The following WDR18 variants were observed in gnomAD, a reference collection of about 807,000 sequenced individuals.
WDR18 encodes the protein WD repeat domain 18, also known as WD repeat-containing protein 18.
WDR18 carries 33 observed loss-of-function variants against 49.6 expected under a neutral mutation model. The ratio of observed to expected loss-of-function variants is 0.67; its 90% confidence interval spans 0.50 to 0.89. WDR18 has a LOEUF of 0.89. Among genes scored for constraint, WDR18 ranks in the 40% least tolerant of loss-of-function variants. The pLI is 0.00. For missense variants in WDR18, 653 were observed against 593.6 expected (o/e 1.10, Z -1.04); for synonymous variants, 315 against 263.6 (o/e 1.19, Z -1.89).
At chr19:984,734 G>A (rs2038457473) in intron 1 of WDR18, among the ~76,000 whole-genome samples, 171 bp downstream of exon 1, 1 of 151,808 alleles carries the variant, frequency 6.6e-6, no homozygotes, top group African/African-American at 2.4e-5. Context: ...GGGGAGATAC[G>A]TGCGACCTGT....
intron 2 of WDR18, among the ~76,000 whole-genome samples, chr19:986,423 C>T (rs1397568749): frequency 2.0e-5 from 3 of 152,214 alleles, no homozygotes; most frequent in Non-Finnish European, 4.4e-5. Context: ...GCGCCCACCA[C>T]CACACCTGGC....
At chr19:983,437 C>T (rs2038438593), upstream of WDR18, among the ~76,000 whole-genome samples, 1 of 151,928 alleles carries the variant, frequency 6.6e-6, no homozygotes, top group Non-Finnish European at 1.5e-5. Context: ...GCTTTTTGTA[C>T]TTTTTGTAAA....
At position 994,064 on chromosome 19, in the gene WDR18, C is replaced by A. The variant is rs1042283657; in HGVS notation, c.1143C>A (p.Ala381=). ...SYLDRTEQLQ[A]VLCSTMEKSV... Reference sequence around the variant, plus strand: ...TGGACCGCACGGAGCAGCTGCAGGCCGTCCTGTGCAGCACCATGGAGAAGG... The same window carrying A: ...TGGACCGCACGGAGCAGCTGCAGGCAGTCCTGTGCAGCACCATGGAGAAGG... Residue 381 remains alanine (A), a synonymous_variant, in exon 9 of 10, where the codon GCC becomes GCA. Coordinates refer to ENST00000585809, the MANE Select transcript of WDR18 (RefSeq NM_024100.4). The A allele has an allele frequency of 2.0e-5, 31 of 1,560,414 alleles. No individual in the cohort carries two copies. Among genetic ancestry groups the A allele is most frequent in the Non-Finnish European group, 2.3e-5 (26 of 1,153,770 alleles).
intron 4 of WDR18, 36 bp from the exon 5 acceptor site, chr19:990,816 G>A: frequency 1.3e-6 from 2 of 1,562,138 alleles, no homozygotes; most frequent in Admixed American, 1.8e-5. Flanking sequence ...GGTTCCCCCT[G>A]CCGGGCCGAG....
chr19:983,653 C>T (rs2038441717), upstream of WDR18, among the ~76,000 whole-genome samples: 1 of 151,664 alleles, frequency 6.6e-6, no homozygotes, highest in African/African-American at 2.4e-5. Context: ...ACAGAACTGG[C>T]GACTTGTTTG....
At chr19:993,453 G>T (rs1283584405) in intron 8 of WDR18, among the ~76,000 whole-genome samples, 1 of 152,206 alleles carries the variant, frequency 6.6e-6, no homozygotes, top group African/African-American at 2.4e-5. Flanking sequence ...AGTCCTCTGT[G>T]ACCCTTGTTC....
At chr19:989,418 G>A (rs1259618806) in intron 2 of WDR18, among the ~76,000 whole-genome samples, 3 of 152,154 alleles carry the variant, frequency 2.0e-5, no homozygotes, top group Non-Finnish European at 4.4e-5. Flanking sequence ...GAGTGCAGCC[G>A]TTCCTACGGG....
intron 3 of WDR18, 97 bp downstream of exon 3, chr19:989,992 CTT>C: frequency 6.6e-7 from 1 of 1,504,506 alleles, no homozygotes; most frequent in Non-Finnish European, 8.8e-7. Context: ...GGGCTTCTCT[CTT>C]GGGGGCTGGA....
Position 994,411 on chromosome 19 carries a change from G to C in WDR18, c.*67G>C, listed in dbSNP as rs370210897. ...ATGCCTCCCAGCAACCAGGGCCCGC[G>C]GGTGTGGCCCCCACCAGCCCAGGCC... On this transcript the variant is annotated 3_prime_UTR_variant, in exon 10 of 10. Transcript: ENST00000585809. 39 of 1,538,106 alleles carry C rather than the reference G, an allele frequency of 2.5e-5. No individual in the cohort carries two copies. The highest frequency in any genetic ancestry group is 7.7e-5 in the Admixed American group (4 of 51,806).
At chr19:993,875 C>A in intron 8 of WDR18, 145 bp from the exon 9 acceptor site, 1 of 882,186 alleles carries the variant, frequency 1.1e-6, no homozygotes, top group Non-Finnish European at 1.8e-6. Flanking sequence ...TGAACGCCCC[C>A]GTCTCAGTCT....
chr19:994,113 G>A (rs1435247349), intron 9 of WDR18, 25 bp downstream of exon 9: 1 of 1,550,454 alleles, frequency 6.4e-7, no homozygotes, highest in Non-Finnish European at 8.7e-7. Context: ...GGGAGGGGCG[G>A]GGCCTGAGGC....
chr19:994,290 C>T lies in WDR18; in HGVS notation c.1245C>T (p.Ile415=). ...ACGAGGTGCGCAACCTGCGCAAGAT[C>T]AATCGGGACCTGTTCGACTTCTCCA... ...LEDEVRNLRK[I]NRDLFDFSTR... is the part of the protein sequence containing the mutation. The change falls in exon 10 of 10, where the codon ATC becomes ATT. Residue 415 remains isoleucine (I), a synonymous_variant. Transcript: ENST00000585809. 1 of 1,611,034 alleles carries T rather than the reference C, an allele frequency of 6.2e-7. No homozygotes were observed. The highest frequency in any genetic ancestry group is 1.1e-5 in the South Asian group (1 of 90,854).
intron 8 of WDR18, 124 bp downstream of exon 8, chr19:992,245 G>C: frequency 1.6e-6 from 2 of 1,218,194 alleles, no homozygotes; most frequent in Non-Finnish European, 1.1e-6. Flanking sequence ...CGGCACTGGA[G>C]GGCGCGTCCT....
intron 2 of WDR18, among the ~76,000 whole-genome samples, chr19:988,347 G>T (rs974982179): frequency 2.6e-5 from 4 of 152,144 alleles, no homozygotes; most frequent in African/African-American, 9.7e-5. Context: ...CCCCTCCCAC[G>T]CCACAGGGAC....
chr19:989,668 A>G (rs2038518613), intron 2 of WDR18, 94 bp from the exon 3 acceptor site: 1 of 1,544,838 alleles, frequency 6.5e-7, no homozygotes. Flanking sequence ...CAGTGTGGCC[A>G]TGGCCGTGCA....
In WDR18 at chr19:994,048, C is replaced by T. The variant is rs200473226; in HGVS notation, c.1127C>T (p.Thr376Met). The T allele has an allele frequency of 1.8e-5, 28 of 1,560,324 alleles. No individual in the cohort carries two copies. The highest frequency in any genetic ancestry group is 1.8e-4 in the African/African-American group (13 of 73,548). ...TCGGAGCCCAGCTACCTGGACCGCACGGAGCAGCTGCAGGCCGTCCTGTGC... is the reference window on the plus strand; with the variant it reads ...TCGGAGCCCAGCTACCTGGACCGCATGGAGCAGCTGCAGGCCGTCCTGTGC... ...QGSEPSYLDRTEQLQAVLCST... is the reference protein window; with the variant it reads ...QGSEPSYLDRMEQLQAVLCST... The change falls in exon 9 of 10, where the codon ACG becomes ATG. Residue 376 changes from threonine to methionine, a missense_variant. By Grantham distance (81) the Thr-to-Met change is moderately conservative. Coordinates refer to ENST00000585809, the MANE Select transcript of WDR18 (RefSeq NM_024100.4).
intron 3 of WDR18, 57 bp from the exon 4 acceptor site, chr19:990,166 G>A (rs2038524370): frequency 2.6e-6 from 4 of 1,532,248 alleles, no homozygotes; most frequent in Non-Finnish European, 3.5e-6. Context: ...CTGGAGGCGT[G>A]GACTGCCCTG....
chr19:984,645 A>C, intron 1 of WDR18, 82 bp downstream of exon 1: 1 of 1,292,694 alleles, frequency 7.7e-7, no homozygotes, highest in Non-Finnish European at 1.0e-6. Flanking sequence ...GGCCGCGTGC[A>C]CCCTTAGTCG....
Position 989,426 on chromosome 19 carries a change from G to A in WDR18, c.322-336G>A, listed in dbSNP as rs569723474. ...AGGTCCTGAGTGCAGCCGTTCCTAC[G>A]GGGCCCACACAGGACGCCTGGGGTC... is the stretch of plus-strand genomic sequence containing the variant. On this transcript the variant is annotated intron_variant, in intron 2 of 9. Coordinates refer to ENST00000585809, the MANE Select transcript of WDR18 (RefSeq NM_024100.4). 1.8e-4 allele frequency among the ~76,000 whole-genome samples: 28 copies of A among 152,246 alleles called. 1 individual carries two copies. The South Asian group carries it at 5.0e-3, about 27-fold the overall frequency.
Sources: allele counts gnomAD v4.1 joint callset (sites outside exome capture counted in the v4.1 genomes callset), GRCh38; gene constraint gnomAD v4.1.1; transcripts MANE v1.5; gene names NCBI Gene and HGNC (gene_info 2026-07-23, HGNC 2026-07-21).